ADGRB3: variants seen among roughly 807,000 people sequenced by gnomAD.
The protein encoded by ADGRB3 is adhesion G protein-coupled receptor B3, also known as brain-specific angiogenesis inhibitor 3.
Under a neutral mutation model 193.4 loss-of-function variants are expected in ADGRB3, and 37 were observed. The observed-to-expected ratio is 0.19, with a 90% CI of 0.15 to 0.25. The LOEUF is 0.25. ADGRB3 is among the 10% of genes least tolerant of loss of function. ADGRB3 has a pLI of 1.00. For missense variants in ADGRB3, 1,637 were observed against 1,852.9 expected (o/e 0.88, Z 2.14); for synonymous variants, 690 against 644.2 (o/e 1.07, Z -1.08).
chr6:68,783,075 A>G (rs1331196390), intron 3 of ADGRB3, among the ~76,000 whole-genome samples: 5 of 100,000 alleles, frequency 5.0e-5, no homozygotes, highest in Admixed American at 2.3e-4. Context: ...ATGGAGTAAT[A>G]ATTATATGGC....
intron 17 of ADGRB3, among the ~76,000 whole-genome samples, chr6:69,181,097 C>T (rs1048195702): frequency 6.6e-6 from 1 of 152,186 alleles, no homozygotes; most frequent in Non-Finnish European, 1.5e-5. Context: ...CATACTGGGG[C>T]TTCACTCACT....
intron 20 of ADGRB3, among the ~76,000 whole-genome samples, chr6:69,314,001 T>C (rs1167422833): frequency 6.6e-6 from 1 of 151,790 alleles, no homozygotes; most frequent in Non-Finnish European, 1.5e-5. Context: ...AGTAAAGCTT[T>C]CGTTGAATTC....
intron 3 of ADGRB3, among the ~76,000 whole-genome samples, chr6:68,641,904 A>G (rs1768090767): frequency 1.3e-5 from 2 of 152,050 alleles, no homozygotes; most frequent in South Asian, 4.1e-4. Flanking sequence ...CATTTTAAAT[A>G]AACTACCATA....
intron 3 of ADGRB3, among the ~76,000 whole-genome samples, chr6:68,693,337 A>C (rs1405137579): frequency 6.6e-6 from 1 of 151,946 alleles, no homozygotes; most frequent in Non-Finnish European, 1.5e-5. Context: ...GAGAAATGAA[A>C]ATGGTAGCTA....
chr6:68,740,938 A>C (rs1057074323), intron 3 of ADGRB3, among the ~76,000 whole-genome samples: 2 of 152,112 alleles, frequency 1.3e-5, no homozygotes, highest in Non-Finnish European at 2.9e-5. Flanking sequence ...CACCCCCACC[A>C]ACTTCCTGTT....
intron 29 of ADGRB3, among the ~76,000 whole-genome samples, chr6:69,371,133 C>T (rs1769698014): frequency 6.6e-6 from 1 of 152,130 alleles, no homozygotes; most frequent in African/African-American, 2.4e-5. Context: ...CAGTCTTAAG[C>T]AGCTTCACTA....
At chr6:69,236,512 A>G (rs561598446) in intron 19 of ADGRB3, among the ~76,000 whole-genome samples, 3 of 152,182 alleles carry the variant, frequency 2.0e-5, no homozygotes, top group African/African-American at 7.2e-5. Context: ...AAACATTTGA[A>G]AAGTAGACAA....
chr6:68,798,532 A>AGGGG (rs1767254280), intron 3 of ADGRB3, among the ~76,000 whole-genome samples: 1 of 144,278 alleles, frequency 6.9e-6, no homozygotes, highest in Non-Finnish European at 1.5e-5. Context: ...GGGGCCTGTC[A>AGGGG]GGGGGTGGGG....
intron 3 of ADGRB3, among the ~76,000 whole-genome samples, chr6:68,777,195 T>C (rs996638521): frequency 2.6e-5 from 4 of 152,124 alleles, no homozygotes; most frequent in Non-Finnish European, 5.9e-5. Context: ...CATGTAAGTG[T>C]GTGTTCTTGT....
At chr6:68,782,874 G>A (rs1189465122) in intron 3 of ADGRB3, among the ~76,000 whole-genome samples, 2 of 151,690 alleles carry the variant, frequency 1.3e-5, no homozygotes, top group African/African-American at 2.4e-5. Flanking sequence ...CTGGATATTA[G>A]CCCTTTGTCA....
At position 69,029,448 on chromosome 6, in the gene ADGRB3, A is replaced by G. The variant is rs550030027; in HGVS notation, c.2107+10949A>G. Among the ~76,000 whole-genome samples the G allele has an allele frequency of 3.2e-4, 49 of 152,338 alleles. 1 individual carries two copies. In the South Asian group the frequency reaches 0.01, roughly 32 times the overall value. The stretch of plus-strand genomic sequence containing the variant: ...ATAGAGGGCCAAACCTTTCATTCTA[A>G]GGCACATAATTTCTTTTGAATTTTT... On this transcript the variant is annotated intron_variant, in intron 13 of 31. Coordinates refer to ENST00000370598, the MANE Select transcript of ADGRB3 (RefSeq NM_001704.3).
intron 17 of ADGRB3, among the ~76,000 whole-genome samples, chr6:69,196,466 G>A (rs951466901): frequency 6.6e-6 from 1 of 152,062 alleles, no homozygotes; most frequent in African/African-American, 2.4e-5. Context: ...TTTCATAAGA[G>A]TCCTCTCTTT....
At chr6:69,286,321 T>G (rs1367779724) in intron 20 of ADGRB3, among the ~76,000 whole-genome samples, 3 of 152,156 alleles carry the variant, frequency 2.0e-5, no homozygotes, top group Non-Finnish European at 4.4e-5. Flanking sequence ...CTCTTTTCCT[T>G]TGCTTTAATA....
At chr6:69,287,201 A>C (rs886991218) in intron 20 of ADGRB3, among the ~76,000 whole-genome samples, 3 of 152,136 alleles carry the variant, frequency 2.0e-5, no homozygotes, top group African/African-American at 7.2e-5. Context: ...CTGCCCTTCA[A>C]GTTTATGCCA....
intron 6 of ADGRB3, among the ~76,000 whole-genome samples, chr6:68,945,818 A>G (rs1191173796): frequency 6.6e-6 from 1 of 152,124 alleles, no homozygotes; most frequent in East Asian, 1.9e-4. Flanking sequence ...AGATGTGAAA[A>G]CTTATTTTCT....
intron 11 of ADGRB3, among the ~76,000 whole-genome samples, chr6:69,009,172 T>A (rs1769859425): frequency 6.6e-6 from 1 of 152,030 alleles, no homozygotes. Flanking sequence ...AGAAATAACT[T>A]GATTATAAAC....
chr6:69,260,679 A>G (rs1214219240), intron 20 of ADGRB3, among the ~76,000 whole-genome samples: 2 of 152,110 alleles, frequency 1.3e-5, no homozygotes, highest in African/African-American at 4.8e-5. Context: ...TTAAATAAAA[A>G]CCATCTTTAG....
At chr6:68,903,041 A>G (rs1044848924) in intron 3 of ADGRB3, among the ~76,000 whole-genome samples, 1 of 152,182 alleles carries the variant, frequency 6.6e-6, no homozygotes, top group Non-Finnish European at 1.5e-5. Context: ...GATATGTAGA[A>G]CATGTAATTT....
In ADGRB3 at chr6:68,867,293, C is replaced by T. The variant is rs544041993; in HGVS notation, c.758-63266C>T. Among the ~76,000 whole-genome samples the T allele has an allele frequency of 2.0e-4, 30 of 152,336 alleles. 2 individuals carry two copies. In the South Asian group the frequency reaches 5.6e-3, roughly 28 times the overall value. ...TGGCTAAAAGGGGGAAGGTACAGCTCAGGCTGTGGCTTCAGGGGGTTCCAG... is the reference window on the plus strand; with the variant it reads ...TGGCTAAAAGGGGGAAGGTACAGCTTAGGCTGTGGCTTCAGGGGGTTCCAG... On this transcript the variant is annotated intron_variant, in intron 3 of 31. Coordinates refer to ENST00000370598, the MANE Select transcript of ADGRB3 (RefSeq NM_001704.3).
Sources: gnomAD v4.1 joint callset for allele counts (sites outside exome capture counted in the v4.1 genomes callset) on GRCh38, gnomAD v4.1.1 for gene constraint, MANE v1.5 for transcripts, NCBI Gene and HGNC (gene_info 2026-07-23, HGNC 2026-07-21) for gene names.